Variants in TXNRD3 observed in about 807,000 individuals in gnomAD.
TXNRD3 encodes TXNRD3 neighbor gene protein.
TXNRD3 carries 68 observed loss-of-function variants against 78.2 expected under a neutral mutation model. The observed-to-expected ratio is 0.87, with a 90% confidence interval of 0.72 to 1.06. The LOEUF is 1.06. TXNRD3 is among the 50% of genes least tolerant of loss of function. TXNRD3 has a pLI of 0.00. For missense variants in TXNRD3, 751 were observed against 809.5 expected (o/e 0.93, Z 0.88); for synonymous variants, 296 against 300.1 (o/e 0.99, Z 0.14).
intron 1 of TXNRD3, among the ~76,000 whole-genome samples, chr3:126,651,144 T>C (rs975382670): frequency 9.9e-5 from 15 of 152,166 alleles, no homozygotes; most frequent in African/African-American, 3.1e-4. Flanking sequence ...GGGGGATACA[T>C]TTAAGAGGTT....
At chr3:126,615,226 A>G (rs1454931311) in intron 13 of TXNRD3, 129 bp downstream of exon 13, 1 of 478,124 alleles carries the variant, frequency 2.1e-6, no homozygotes, top group Non-Finnish European at 3.6e-6. Flanking sequence ...TTTTCCTAAA[A>G]TAGGAATATG....
chr3:126,609,817 G>C (rs1370839613), intron 14 of TXNRD3, among the ~76,000 whole-genome samples: 1 of 152,178 alleles, frequency 6.6e-6, no homozygotes, highest in Non-Finnish European at 1.5e-5. Context: ...CATGACAGCT[G>C]CAAGTCCCAC....
chr3:126,644,273 C>T (rs902653813), intron 4 of TXNRD3, 24 bp downstream of exon 4: 16 of 1,517,840 alleles, frequency 1.1e-5, no homozygotes, highest in Admixed American at 4.0e-5. Flanking sequence ...AAATTATCTA[C>T]GAGTTTCATT....
At chr3:126,631,124 T>A (rs1196149376) in intron 8 of TXNRD3, among the ~76,000 whole-genome samples, 187 bp from the exon 9 acceptor site, 1 of 152,034 alleles carries the variant, frequency 6.6e-6, no homozygotes. Context: ...ATACCTCAGA[T>A]TTTTCTAAAT....
intron 10 of TXNRD3, among the ~76,000 whole-genome samples, chr3:126,626,259 A>C (rs1938577183): frequency 6.6e-6 from 1 of 152,236 alleles, no homozygotes; most frequent in Non-Finnish European, 1.5e-5. Flanking sequence ...TTCTTAGAGC[A>C]CACAGAAAGC....
intron 13 of TXNRD3, among the ~76,000 whole-genome samples, chr3:126,614,768 TTC>T (rs1202206337): frequency 6.6e-6 from 1 of 152,218 alleles, no homozygotes; most frequent in Non-Finnish European, 1.5e-5. Context: ...GTGATTTCAA[TTC>T]TCTTTTACTT....
At chr3:126,620,187 T>C (rs1376461437) in intron 12 of TXNRD3, among the ~76,000 whole-genome samples, 2 of 148,994 alleles carry the variant, frequency 1.3e-5, no homozygotes, top group Non-Finnish European at 3.0e-5. Context: ...CCCAGCTACC[T>C]GGGAGGCTGA....
chr3:126,623,084 G>A (rs2107614937), intron 10 of TXNRD3, among the ~76,000 whole-genome samples: 1 of 152,200 alleles, frequency 6.6e-6, no homozygotes, highest in Non-Finnish European at 1.5e-5. Context: ...CCTGGTCTGT[G>A]GTACTCTTCC....
intron 10 of TXNRD3, among the ~76,000 whole-genome samples, chr3:126,626,997 A>C (rs371313759): frequency 2.4e-4 from 36 of 151,698 alleles, no homozygotes; most frequent in African/African-American, 8.7e-4. Flanking sequence ...CTGGGTTGGG[A>C]GGATCATTTG....
At chr3:126,646,369 G>A in intron 2 of TXNRD3, 149 bp from the exon 3 acceptor site, 1 of 534,744 alleles carries the variant, frequency 1.9e-6, no homozygotes, top group Non-Finnish European at 3.0e-6. Flanking sequence ...GATAACTCAA[G>A]AGGGGAAAAC....
rs1479654310 is a variant in TXNRD3 at position 126,647,217 on chromosome 3, T to C, written c.304+19A>G. The C allele has an allele frequency of 2.0e-6, 3 of 1,521,856 alleles. No individual in the cohort carries two copies. The highest frequency in any genetic ancestry group is 2.6e-6 in the Non-Finnish European group (3 of 1,135,374). The allele number at this position is 1,521,856 out of a possible 1,614,324, so 94.3% of individuals were successfully genotyped here. ...GGCATTTATTATAAACAACACTATG[T>C]TGTAACTGGTCTACTTACCAACTTG... On this transcript the variant is annotated intron_variant, in intron 2 of 15. Transcript: ENST00000524230.
At chr3:126,643,193 C>T (rs1479186447) in intron 5 of TXNRD3, among the ~76,000 whole-genome samples, 1 of 152,196 alleles carries the variant, frequency 6.6e-6, no homozygotes, top group Non-Finnish European at 1.5e-5. Context: ...CCCAAAGTGG[C>T]CAAGCTGCCC....
chr3:126,654,268 T>G (rs1933456647), intron 1 of TXNRD3, among the ~76,000 whole-genome samples: 1 of 152,256 alleles, frequency 6.6e-6, no homozygotes, highest in African/African-American at 2.4e-5. Flanking sequence ...CGTATCATTT[T>G]TCAACTTTCT....
chr3:126,617,922 A>G (rs1938354441), intron 12 of TXNRD3, among the ~76,000 whole-genome samples: 1 of 152,222 alleles, frequency 6.6e-6, no homozygotes, highest in African/African-American at 2.4e-5. Context: ...GTTTCTATAC[A>G]CCAATAACAA....
intron 10 of TXNRD3, 29 bp downstream of exon 10, chr3:126,629,350 A>C: frequency 7.1e-7 from 1 of 1,416,512 alleles, no homozygotes; most frequent in Non-Finnish European, 9.5e-7. Context: ...TGTGTTCAAT[A>C]ACTTAGTAAT....
At chr3:126,641,931 T>G (rs1338302671) in intron 6 of TXNRD3, 101 bp downstream of exon 6, 1 of 1,336,844 alleles carries the variant, frequency 7.5e-7, no homozygotes, top group Non-Finnish European at 9.9e-7. Flanking sequence ...GTTCATTAAA[T>G]GAATTACGAA....
At chr3:126,633,847 G>C in intron 7 of TXNRD3, 62 bp downstream of exon 7, 1 of 1,350,022 alleles carries the variant, frequency 7.4e-7, no homozygotes, top group Non-Finnish European at 9.6e-7. Context: ...AATTTTAGTT[G>C]AAGGCAAGTA....
In TXNRD3 at chr3:126,630,933, C is replaced by T; in HGVS notation, c.976G>A (p.Asp326Asn). The T allele has an allele frequency of 6.5e-7, 1 of 1,532,554 alleles. No homozygotes were observed. The highest frequency in any genetic ancestry group is 2.4e-5 in the East Asian group (1 of 40,892). 94.9% of individuals were successfully genotyped at this position (1,532,554 alleles called of 1,614,324 possible). The stretch of plus-strand genomic sequence containing the variant: ...GGGCAATAAGGCAGAGAAAAAAGGT[C>T]ATCACTGAAAAATAAAAATTAAAAA... The change falls in exon 9 of 16, where the codon GAC becomes AAC. Residue 326 changes from aspartate to asparagine, a missense_variant. Physicochemically the swap from Asp to Asn is conservative, Grantham distance 23. Coordinates refer to ENST00000524230, the MANE Select transcript of TXNRD3 (RefSeq NM_052883.3).
At chr3:126,629,127 T>C (rs1938649327) in intron 10 of TXNRD3, among the ~76,000 whole-genome samples, 1 of 152,158 alleles carries the variant, frequency 6.6e-6, no homozygotes, top group Non-Finnish European at 1.5e-5. Context: ...TTTCCAAAAG[T>C]AAGCACACAT....
Sources: allele counts gnomAD v4.1 joint callset (sites outside exome capture counted in the v4.1 genomes callset), GRCh38; gene constraint gnomAD v4.1.1; transcripts MANE v1.5; gene names NCBI Gene and HGNC (gene_info 2026-07-23, HGNC 2026-07-21).